ERC1: variants seen among roughly 807,000 people sequenced by gnomAD.
The protein encoded by ERC1 is RAB6 interacting protein 2.
In ERC1, 56 loss-of-function variants were observed where a neutral mutation model predicts 132.0. The observed-to-expected ratio is 0.42, with a 90% CI of 0.34 to 0.53. The LOEUF (loss-of-function observed/expected upper bound fraction) is 0.53. ERC1 is among the 20% of genes least tolerant of loss of function. The pLI is 0.03. For missense variants in ERC1, 1,202 were observed against 1,349.9 expected (o/e 0.89, Z 1.72); for synonymous variants, 478 against 476.1 (o/e 1.00, Z -0.05).
At chr12:1,104,676 G>A (rs982146648) in intron 3 of ERC1, 74 bp from the exon 4 acceptor site, 23 of 995,070 alleles carry the variant, frequency 2.3e-5, no homozygotes, top group South Asian at 3.8e-5. Flanking sequence ...TGCATACATC[G>A]GCTCTCACTC....
chr12:1,179,500 C>CTTT (rs58317880), intron 8 of ERC1, among the ~76,000 whole-genome samples: 224 of 95,738 alleles, frequency 2.3e-3, no homozygotes, highest in Middle Eastern at 8.1e-3. Context: ...ATTCATTTTT[C>CTTT]TTTTTTTTTT....
intron 15 of ERC1, among the ~76,000 whole-genome samples, chr12:1,319,212 AAC>A (rs1457687841): frequency 2.6e-5 from 4 of 152,196 alleles, no homozygotes; most frequent in African/African-American, 9.7e-5. Flanking sequence ...TTTAAAAGTC[AAC>A]AGTGATACTA....
intron 18 of ERC1, among the ~76,000 whole-genome samples, chr12:1,481,107 C>G (rs2094082152): frequency 6.6e-6 from 1 of 152,216 alleles, no homozygotes; most frequent in Non-Finnish European, 1.5e-5. Flanking sequence ...ATACTCGGAA[C>G]AGCATGCACT....
intron 15 of ERC1, among the ~76,000 whole-genome samples, chr12:1,301,902 C>T (rs1424805708): frequency 1.3e-5 from 2 of 152,126 alleles, no homozygotes; most frequent in Non-Finnish European, 2.9e-5. Flanking sequence ...AATGGCTTTA[C>T]TGTTGAATTC....
intron 7 of ERC1, among the ~76,000 whole-genome samples, chr12:1,134,730 T>A (rs1403302285): frequency 8.7e-6 from 1 of 114,460 alleles, no homozygotes; most frequent in Non-Finnish European, 1.7e-5. Context: ...CTCAGTAACT[T>A]TTTTTTTTTT....
intron 8 of ERC1, among the ~76,000 whole-genome samples, chr12:1,161,401 T>C (rs1951874789): frequency 6.6e-6 from 1 of 152,168 alleles, no homozygotes; most frequent in African/African-American, 2.4e-5. Flanking sequence ...CCCTGGCATT[T>C]CACTTCTGCT....
At chr12:1,037,912 C>T (rs1969395793) in intron 2 of ERC1, among the ~76,000 whole-genome samples, 1 of 151,738 alleles carries the variant, frequency 6.6e-6, no homozygotes, top group Admixed American at 6.6e-5. Context: ...GGCTTGGTGG[C>T]GGGCACCTAT....
intron 2 of ERC1, among the ~76,000 whole-genome samples, chr12:1,072,194 G>A (rs1940518192): frequency 6.6e-6 from 1 of 152,120 alleles, no homozygotes; most frequent in Admixed American, 6.6e-5. Context: ...ATATAACTTG[G>A]TGTGTGAAAG....
At chr12:999,012 A>C (rs1424731912) in intron 1 of ERC1, among the ~76,000 whole-genome samples, 1 of 151,906 alleles carries the variant, frequency 6.6e-6, no homozygotes, top group Non-Finnish European at 1.5e-5. Flanking sequence ...GGTGTGCACC[A>C]CCACACCCAG....
intron 15 of ERC1, among the ~76,000 whole-genome samples, chr12:1,323,261 A>T (rs2082235736): frequency 1.3e-5 from 2 of 152,164 alleles, no homozygotes; most frequent in South Asian, 4.1e-4. Flanking sequence ...TAATGGGGAA[A>T]AAAAAAGGCT....
intron 14 of ERC1, among the ~76,000 whole-genome samples, chr12:1,263,699 AT>A (rs533403279): frequency 7.2e-5 from 11 of 151,828 alleles, no homozygotes; most frequent in Non-Finnish European, 1.2e-4. Flanking sequence ...ATTATTATTA[AT>A]TTTTTTGAGA....
intron 1 of ERC1, among the ~76,000 whole-genome samples, chr12:992,054 G>GA (rs1356611365): frequency 6.6e-6 from 1 of 152,098 alleles, no homozygotes; most frequent in Admixed American, 6.5e-5. Flanking sequence ...GGATGTATCT[G>GA]AAAGTTTTAC....
chr12:1,093,908 T>A (rs868813589), intron 3 of ERC1, among the ~76,000 whole-genome samples: 114 of 142,738 alleles, frequency 8.0e-4, no homozygotes, highest in African/African-American at 2.6e-3. Flanking sequence ...TAAATATATA[T>A]TTTTCTATAT....
At chr12:1,255,136 C>T (rs928734670) in intron 13 of ERC1, among the ~76,000 whole-genome samples, 5 of 151,856 alleles carry the variant, frequency 3.3e-5, no homozygotes, top group African/African-American at 1.2e-4. Context: ...TGATGTTCTC[C>T]TCCCTGTGTC....
chr12:1,239,180 C>T (rs1340050459), intron 13 of ERC1, among the ~76,000 whole-genome samples: 1 of 152,180 alleles, frequency 6.6e-6, no homozygotes, highest in Non-Finnish European at 1.5e-5. Flanking sequence ...GTGTGATCCT[C>T]CTGTCTCAGC....
intron 8 of ERC1, among the ~76,000 whole-genome samples, chr12:1,155,638 G>A (rs1242388860): frequency 4.0e-5 from 6 of 151,898 alleles, no homozygotes; most frequent in Admixed American, 6.6e-5. Context: ...CACCACGCCC[G>A]GCTAATTTTT....
chr12:1,489,951 T>A, intron 18 of ERC1, 142 bp from the exon 19 acceptor site: 1 of 967,056 alleles, frequency 1.0e-6, no homozygotes. Flanking sequence ...GATATTTGCT[T>A]TTACACTTTT....
At chr12:1,265,400 G>A (rs1235488466) in intron 14 of ERC1, among the ~76,000 whole-genome samples, 1 of 152,108 alleles carries the variant, frequency 6.6e-6, no homozygotes, top group Non-Finnish European at 1.5e-5. Flanking sequence ...TGCTTTAGGG[G>A]TATGTTTTAT....
At chr12:1,271,140 A>G (rs1015871248) in intron 14 of ERC1, among the ~76,000 whole-genome samples, 2 of 151,922 alleles carry the variant, frequency 1.3e-5, no homozygotes, top group African/African-American at 2.4e-5. Context: ...TTGTGAGCAG[A>G]AAAAAAGAAG....
Sources: gnomAD v4.1 joint callset for allele counts (sites outside exome capture counted in the v4.1 genomes callset) on GRCh38, gnomAD v4.1.1 for gene constraint, MANE v1.5 for transcripts, NCBI Gene and HGNC (gene_info 2026-07-23, HGNC 2026-07-21) for gene names.